The following CTNNA3 variants were observed in gnomAD, a reference collection of about 807,000 sequenced individuals.
The protein encoded by CTNNA3 is catenin alpha 3, also known as catenin alpha-3.
In CTNNA3, 76 loss-of-function variants were observed where a neutral mutation model predicts 95.7. The observed-to-expected ratio is 0.79, with a 90% CI of 0.66 to 0.96. The LOEUF (loss-of-function observed/expected upper bound fraction) is 0.96, where lower values mean the gene tolerates loss of function less well. Among genes scored for constraint, CTNNA3 ranks in the 40% least tolerant of loss-of-function variants. CTNNA3 has a pLI of 0.00. For missense variants in CTNNA3, 1,191 were observed against 1,089.8 expected (o/e 1.09, Z -1.31); for synonymous variants, 431 against 374.4 (o/e 1.15, Z -1.74).
At chr10:66,501,153 T>C (rs551605612) in intron 11 of CTNNA3, among the ~76,000 whole-genome samples, 1 of 152,264 alleles carries the variant, frequency 6.6e-6, no homozygotes, top group African/African-American at 2.4e-5. Flanking sequence ...AAGAACCAGA[T>C]TGAAATTTGA....
At chr10:67,717,422 GT>G (rs1841150798) in intron 1 of CTNNA3, among the ~76,000 whole-genome samples, 1 of 152,066 alleles carries the variant, frequency 6.6e-6, no homozygotes, top group Non-Finnish European at 1.5e-5. Flanking sequence ...TATTGCCTAG[GT>G]TTTTTTCTAG....
intron 6 of CTNNA3, among the ~76,000 whole-genome samples, chr10:67,210,096 G>A (rs1191821170): frequency 2.6e-5 from 4 of 151,682 alleles, no homozygotes; most frequent in East Asian, 1.9e-4. Flanking sequence ...TCACAAGGTC[G>A]GGAGATCGAC....
At chr10:66,215,275 C>T (rs2088452405) in intron 13 of CTNNA3, among the ~76,000 whole-genome samples, 1 of 152,170 alleles carries the variant, frequency 6.6e-6, no homozygotes, top group South Asian at 2.1e-4. Context: ...GAAATAGATG[C>T]TGGGATATTG....
intron 7 of CTNNA3, among the ~76,000 whole-genome samples, chr10:66,787,972 C>G (rs911497746): frequency 6.6e-6 from 1 of 152,134 alleles, no homozygotes; most frequent in Non-Finnish European, 1.5e-5. Flanking sequence ...TTGAAACACA[C>G]TTATGTATCC....
At position 66,251,622 on chromosome 10, in the gene CTNNA3, A is replaced by C. The variant is rs545749589; in HGVS notation, c.1884+28848T>G. Among the ~76,000 whole-genome samples, 3 of 152,326 alleles carry C rather than the reference A, an allele frequency of 2.0e-5. No homozygotes were observed. In the East Asian group the frequency reaches 5.8e-4, roughly 29 times the overall value. Reference sequence around the variant, plus strand: ...TTGAAACATAATAGAAAATATCAATAGTAATATGGCTCATATAATAATATT... The same window carrying C: ...TTGAAACATAATAGAAAATATCAATCGTAATATGGCTCATATAATAATATT... On this transcript the variant is annotated intron_variant, in intron 13 of 17. Coordinates refer to ENST00000433211, the MANE Select transcript of CTNNA3 (RefSeq NM_013266.4).
chr10:67,508,392 A>C (rs1440057612), intron 5 of CTNNA3, among the ~76,000 whole-genome samples: 1 of 152,200 alleles, frequency 6.6e-6, no homozygotes, highest in African/African-American at 2.4e-5. Flanking sequence ...AAAAGTTGCC[A>C]AAAATACACA....
chr10:67,317,732 G>A (rs994888689), intron 5 of CTNNA3, among the ~76,000 whole-genome samples: 1 of 152,044 alleles, frequency 6.6e-6, no homozygotes, highest in African/African-American at 2.4e-5. Context: ...CCATCATCGG[G>A]GGTTTTAAGG....
intron 5 of CTNNA3, among the ~76,000 whole-genome samples, chr10:67,251,567 G>A (rs1390500225): frequency 6.6e-6 from 1 of 152,152 alleles, no homozygotes; most frequent in Non-Finnish European, 1.5e-5. Context: ...GAGGCAGCCT[G>A]TCCTAATAGT....
chr10:67,563,180 A>C (rs545732219), intron 3 of CTNNA3, among the ~76,000 whole-genome samples: 60 of 152,328 alleles, frequency 3.9e-4, no homozygotes, highest in Non-Finnish European at 2.1e-4. Context: ...CCGCATCGCC[A>C]AGACAATCCT....
At chr10:67,596,035 G>A (rs1842924036) in intron 3 of CTNNA3, among the ~76,000 whole-genome samples, 1 of 152,108 alleles carries the variant, frequency 6.6e-6, no homozygotes, top group African/African-American at 2.4e-5. Context: ...TAGGTGAGAT[G>A]GGTCTCTTGA....
chr10:67,403,822 G>T (rs1419835530), intron 5 of CTNNA3, among the ~76,000 whole-genome samples: 1 of 152,228 alleles, frequency 6.6e-6, no homozygotes, highest in Non-Finnish European at 1.5e-5. Context: ...CTGGCAACAG[G>T]TCAGTACTTC....
Position 65,914,834 on chromosome 10 carries a change from T to G in CTNNA3, c.*5496A>C, listed in dbSNP as rs935699439. 1.2e-4 allele frequency: 19 copies of G among 152,142 alleles called. No individual in the cohort carries two copies. The highest frequency in any genetic ancestry group is 1.5e-4 in the Non-Finnish European group (10 of 68,024). 9.4% of individuals were successfully genotyped at this position (152,142 alleles called of 1,614,324 possible). ...CTTCCCATGTACCTGACACTCTACA[T>G]TCAGTTAATAGAGGTGAGAATATTC... On this transcript the variant is annotated 3_prime_UTR_variant, in exon 18 of 18. Coordinates refer to ENST00000433211, the MANE Select transcript of CTNNA3 (RefSeq NM_013266.4).
At chr10:66,304,621 G>A (rs867030884) in intron 12 of CTNNA3, among the ~76,000 whole-genome samples, 1 of 152,040 alleles carries the variant, frequency 6.6e-6, no homozygotes, top group African/African-American at 2.4e-5. Flanking sequence ...TGTGGAGAAA[G>A]CAAGTTGAAG....
chr10:67,014,028 A>G (rs1040375552), intron 7 of CTNNA3, among the ~76,000 whole-genome samples: 1 of 152,002 alleles, frequency 6.6e-6, no homozygotes, highest in African/African-American at 2.4e-5. Flanking sequence ...GTGATGAAGG[A>G]CAGAGACAAA....
chr10:66,607,559 C>T (rs1844174766), intron 10 of CTNNA3, among the ~76,000 whole-genome samples: 1 of 142,150 alleles, frequency 7.0e-6, no homozygotes, highest in African/African-American at 2.6e-5. Flanking sequence ...AAATCCTCAA[C>T]AAAATACCTG....
chr10:66,581,224 T>C lies in CTNNA3; in HGVS notation c.1374+40468A>G, dbSNP rs192066952. Among the ~76,000 whole-genome samples, 141 of 151,964 alleles carry C rather than the reference T, an allele frequency of 9.3e-4. 1 individual carries two copies. The highest frequency in any genetic ancestry group is 3.2e-3 in the African/African-American group (132 of 41,522). ...ATAAACATATGCACACAGGCATCTC[T>C]TTGATATATTCATTCCTTTTCTTTT... is the stretch of plus-strand genomic sequence containing the variant. On this transcript the variant is annotated intron_variant, in intron 10 of 17. Transcript: ENST00000433211.
chr10:66,792,289 G>A (rs1422292534), intron 7 of CTNNA3, among the ~76,000 whole-genome samples: 6 of 152,196 alleles, frequency 3.9e-5, no homozygotes, highest in East Asian at 3.9e-4. Context: ...AATATTCCTC[G>A]TATTTCATTA....
intron 15 of CTNNA3, among the ~76,000 whole-genome samples, chr10:66,001,604 A>G (rs185487552): frequency 6.6e-6 from 1 of 152,340 alleles, no homozygotes; most frequent in African/African-American, 2.4e-5. Flanking sequence ...CATTTGTCAC[A>G]TGGTAAGGAA....
At chr10:67,212,093 T>A (rs936380809) in intron 6 of CTNNA3, among the ~76,000 whole-genome samples, 19 of 152,076 alleles carry the variant, frequency 1.2e-4, no homozygotes, top group Non-Finnish European at 1.3e-4. Flanking sequence ...TACATTGTTG[T>A]AGCACTTATT....
Sources: gnomAD v4.1 joint callset for allele counts (sites outside exome capture counted in the v4.1 genomes callset) on GRCh38, gnomAD v4.1.1 for gene constraint, MANE v1.5 for transcripts, NCBI Gene and HGNC (gene_info 2026-07-23, HGNC 2026-07-21) for gene names.